TMEM108: variants seen among roughly 807,000 people sequenced by gnomAD.
TMEM108 encodes cancer/testis antigen 124.
Under a neutral mutation model 35.1 loss-of-function variants are expected in TMEM108, and 12 were observed. The ratio of observed to expected loss-of-function variants is 0.34; its 90% CI spans 0.22 to 0.55. The LOEUF is 0.55. TMEM108 is among the 20% of genes least tolerant of loss of function. The probability of loss-of-function intolerance (pLI) is 0.89; values close to 1 mark genes in which losing one functional copy is unlikely to be tolerated. For synonymous variants in TMEM108, 287 were observed against 308.6 expected, an observed-to-expected ratio of 0.93 and a Z score of 0.73; for missense variants, 680 against 753.3, an observed-to-expected ratio of 0.90 and a Z score of 1.14.
chr3:133,071,697 T>G (rs1943677929), intron 2 of TMEM108, among the ~76,000 whole-genome samples: 1 of 152,230 alleles, frequency 6.6e-6, no homozygotes, highest in African/African-American at 2.4e-5. Context: ...TTGACTTTTT[T>G]TGTTGAGTTG....
chr3:133,122,144 A>C (rs1224622734), intron 2 of TMEM108, among the ~76,000 whole-genome samples: 1 of 152,140 alleles, frequency 6.6e-6, no homozygotes, highest in Non-Finnish European at 1.5e-5. Flanking sequence ...ATTTAGCAGC[A>C]GGAGTTACTT....
At chr3:133,324,208 A>C (rs1007446863) in intron 3 of TMEM108, among the ~76,000 whole-genome samples, 1 of 152,236 alleles carries the variant, frequency 6.6e-6, no homozygotes, top group African/African-American at 2.4e-5. Context: ...TGTACAGCAA[A>C]AGAAATAATC....
chr3:133,081,620 A>G (rs79594287), intron 2 of TMEM108, among the ~76,000 whole-genome samples: 4,192 of 152,304 alleles, frequency 0.028, 91 homozygotes, highest in South Asian at 0.058. Flanking sequence ...ATTTCTTTGC[A>G]TAACACTTGT....
intron 2 of TMEM108, among the ~76,000 whole-genome samples, chr3:133,212,687 C>T (rs1002241815): frequency 1.3e-5 from 2 of 151,746 alleles, no homozygotes; most frequent in Admixed American, 6.6e-5. Context: ...GGCAACATGG[C>T]GAAACCTGTT....
intron 5 of TMEM108, among the ~76,000 whole-genome samples, chr3:133,395,502 G>A (rs950079448): frequency 6.6e-6 from 1 of 152,180 alleles, no homozygotes; most frequent in African/African-American, 2.4e-5. Flanking sequence ...AGTGCAGTGA[G>A]CCATGCACTG....
chr3:133,168,036 G>T (rs1945070385), intron 2 of TMEM108, among the ~76,000 whole-genome samples: 1 of 152,170 alleles, frequency 6.6e-6, no homozygotes, highest in South Asian at 2.1e-4. Flanking sequence ...GCCACAGAGA[G>T]TCTGTTTTGT....
At chr3:133,190,607 A>G (rs1945484317) in intron 2 of TMEM108, among the ~76,000 whole-genome samples, 1 of 152,218 alleles carries the variant, frequency 6.6e-6, no homozygotes, top group South Asian at 2.1e-4. Context: ...ACTCTGGTTG[A>G]GAAAACTGAG....
intron 2 of TMEM108, among the ~76,000 whole-genome samples, chr3:133,068,459 G>T (rs1576301569): frequency 6.6e-6 from 1 of 152,124 alleles, no homozygotes; most frequent in Admixed American, 6.6e-5. Context: ...GCAGATGCTT[G>T]TTTGGAGGAC....
intron 2 of TMEM108, among the ~76,000 whole-genome samples, chr3:133,217,862 C>G (rs1432740438): frequency 2.0e-5 from 3 of 151,940 alleles, no homozygotes; most frequent in African/African-American, 7.2e-5. Flanking sequence ...TGTGATGCCT[C>G]CATATTTGTT....
chr3:133,052,148 T>A (rs190862941), intron 2 of TMEM108, among the ~76,000 whole-genome samples: 14 of 152,280 alleles, frequency 9.2e-5, no homozygotes, highest in Non-Finnish European at 2.1e-4. Context: ...AGTCTTTCTT[T>A]GAGTTCTTTC....
chr3:133,227,553 A>C (rs1946092268), intron 2 of TMEM108, among the ~76,000 whole-genome samples: 1 of 151,820 alleles, frequency 6.6e-6, no homozygotes, highest in South Asian at 2.1e-4. Flanking sequence ...TCTTATTAAA[A>C]AAAACACTTG....
chr3:133,178,194 C>T (rs1415280126), intron 2 of TMEM108, among the ~76,000 whole-genome samples: 1 of 152,198 alleles, frequency 6.6e-6, no homozygotes, highest in South Asian at 2.1e-4. Flanking sequence ...ACATTCCATA[C>T]TCATGGATAG....
intron 3 of TMEM108, among the ~76,000 whole-genome samples, chr3:133,279,738 TG>T (rs1268359939): frequency 1.3e-5 from 2 of 152,202 alleles, no homozygotes; most frequent in African/African-American, 4.8e-5. Context: ...AAATGCCTGT[TG>T]TTTGATTAAC....
At chr3:133,205,537 G>A (rs2107832875) in intron 2 of TMEM108, among the ~76,000 whole-genome samples, 1 of 152,228 alleles carries the variant, frequency 6.6e-6, no homozygotes, top group African/African-American at 2.4e-5. Flanking sequence ...TGTCTGTAAA[G>A]GATTTTATTT....
intron 4 of TMEM108, 146 bp downstream of exon 4, chr3:133,381,307 T>A: frequency 2.3e-6 from 2 of 861,938 alleles, no homozygotes; most frequent in South Asian, 3.6e-5. Context: ...CAGGACAGGT[T>A]ATCCCTGACC....
At chr3:133,318,286 T>C (rs1303184010) in intron 3 of TMEM108, among the ~76,000 whole-genome samples, 1 of 152,242 alleles carries the variant, frequency 6.6e-6, no homozygotes, top group Non-Finnish European at 1.5e-5. Flanking sequence ...CACTGGTACT[T>C]TCACTCCAGT....
At chr3:133,275,340 A>G (rs1049354978) in intron 3 of TMEM108, among the ~76,000 whole-genome samples, 1 of 152,210 alleles carries the variant, frequency 6.6e-6, no homozygotes, top group Non-Finnish European at 1.5e-5. Flanking sequence ...ATTGATTTTA[A>G]TAATATATTT....
intron 2 of TMEM108, among the ~76,000 whole-genome samples, chr3:133,149,574 A>T (rs1212341805): frequency 6.6e-6 from 1 of 152,176 alleles, no homozygotes; most frequent in Non-Finnish European, 1.5e-5. Flanking sequence ...TAGACTCCAC[A>T]TGTAAGTGAG....
At chr3:133,303,791 A>G (rs1431948778) in intron 3 of TMEM108, among the ~76,000 whole-genome samples, 3 of 152,354 alleles carry the variant, frequency 2.0e-5, no homozygotes, top group Non-Finnish European at 4.4e-5. Context: ...ATTTTAATTG[A>G]TTAAAAAATC....
Sources: allele counts gnomAD v4.1 joint callset (sites outside exome capture counted in the v4.1 genomes callset), GRCh38; gene constraint gnomAD v4.1.1; transcripts MANE v1.5; gene names NCBI Gene and HGNC (gene_info 2026-07-23, HGNC 2026-07-21).